The following FNDC3A variants were observed in gnomAD, a reference collection of about 807,000 sequenced individuals.
FNDC3A encodes fibronectin type III domain containing 3A.
Under a neutral mutation model 148.9 loss-of-function variants are expected in FNDC3A, and 32 were observed. The observed-to-expected ratio is 0.21, with a 90% CI of 0.16 to 0.29. FNDC3A has a LOEUF of 0.29. Among genes scored for constraint, FNDC3A ranks in the 10% least tolerant of loss-of-function variants. The pLI is 1.00. For missense variants in FNDC3A, 1,191 were observed against 1,452.8 expected (o/e 0.82, Z 2.93); for synonymous variants, 472 against 473.6 (o/e 1.00, Z 0.04).
chr13:49,056,812 A>C (rs545584400), intron 2 of FNDC3A, among the ~76,000 whole-genome samples: 2 of 152,244 alleles, frequency 1.3e-5, no homozygotes, highest in East Asian at 3.9e-4. Context: ...TATATTTTAA[A>C]TTCCTTTTTG....
intron 9 of FNDC3A, among the ~76,000 whole-genome samples, chr13:49,167,576 C>G (rs1410500658): frequency 6.6e-6 from 1 of 151,876 alleles, no homozygotes; most frequent in African/African-American, 2.4e-5. Context: ...CATGGTGGTG[C>G]AGGCCTGTGG....
intron 1 of FNDC3A, among the ~76,000 whole-genome samples, chr13:48,980,535 G>T (rs1951676219): frequency 6.6e-6 from 1 of 152,166 alleles, no homozygotes; most frequent in Non-Finnish European, 1.5e-5. Context: ...AGGCACGGAA[G>T]AAAGACCTAG....
intron 6 of FNDC3A, among the ~76,000 whole-genome samples, chr13:49,136,859 AG>A (rs1337784546): frequency 6.6e-6 from 1 of 152,086 alleles, no homozygotes; most frequent in East Asian, 1.9e-4. Context: ...GCGTTTGATA[AG>A]GCTATGCTGC....
chr13:48,984,486 A>G (rs966336991), intron 1 of FNDC3A, among the ~76,000 whole-genome samples: 3 of 152,234 alleles, frequency 2.0e-5, no homozygotes, highest in African/African-American at 7.2e-5. Flanking sequence ...TCAAAGGAAT[A>G]GAATAATAAA....
At chr13:48,990,444 C>T (rs527394171) in intron 1 of FNDC3A, among the ~76,000 whole-genome samples, 1 of 151,688 alleles carries the variant, frequency 6.6e-6, no homozygotes, top group Non-Finnish European at 1.5e-5. Flanking sequence ...AGACAAATGA[C>T]TGTTTAATAT....
intron 7 of FNDC3A, among the ~76,000 whole-genome samples, chr13:49,142,592 T>C (rs1882752973): frequency 6.6e-6 from 1 of 152,208 alleles, no homozygotes. Flanking sequence ...TCTATGCAAC[T>C]CTATAATTCA....
intron 2 of FNDC3A, among the ~76,000 whole-genome samples, chr13:49,037,017 G>T (rs1874541570): frequency 1.3e-5 from 2 of 152,188 alleles, no homozygotes; most frequent in Admixed American, 1.3e-4. Flanking sequence ...ATCAGTATAG[G>T]AAAATATGAA....
intron 3 of FNDC3A, among the ~76,000 whole-genome samples, chr13:49,106,243 A>C (rs952627595): frequency 6.6e-6 from 1 of 152,206 alleles, no homozygotes; most frequent in Non-Finnish European, 1.5e-5. Context: ...TGTATTTTAA[A>C]TTGCAGTATT....
chr13:49,110,470 A>G (rs560218290), intron 3 of FNDC3A: 3 of 1,085,976 alleles, frequency 2.8e-6, no homozygotes, highest in Non-Finnish European at 4.3e-6. Flanking sequence ...GTATTAATCT[A>G]AAGTCATGCC....
chr13:49,152,523 A>G (rs1219428716), intron 8 of FNDC3A, among the ~76,000 whole-genome samples: 1 of 142,516 alleles, frequency 7.0e-6, no homozygotes, highest in Admixed American at 7.0e-5. Flanking sequence ...GTTTTTTTTT[A>G]ATTATACTTT....
At chr13:49,188,676 G>T in intron 17 of FNDC3A, 43 bp downstream of exon 17, 1 of 1,272,678 alleles carries the variant, frequency 7.9e-7, no homozygotes. Context: ...TATTAAGTTT[G>T]GCCAAATGGG....
chr13:49,057,741 T>C (rs997256390), intron 2 of FNDC3A, among the ~76,000 whole-genome samples: 1 of 152,136 alleles, frequency 6.6e-6, no homozygotes, highest in African/African-American at 2.4e-5. Context: ...TAAGCATATA[T>C]GGTATCTTGG....
chr13:49,011,302 C>T (rs1246953842), intron 2 of FNDC3A, among the ~76,000 whole-genome samples: 1 of 151,794 alleles, frequency 6.6e-6, no homozygotes, highest in Non-Finnish European at 1.5e-5. Flanking sequence ...GGCGTGATCT[C>T]GGCTCACTGC....
At chr13:49,140,840 G>A (rs1882647940) in intron 7 of FNDC3A, among the ~76,000 whole-genome samples, 1 of 152,206 alleles carries the variant, frequency 6.6e-6, no homozygotes, top group Non-Finnish European at 1.5e-5. Context: ...GTCAGAGTGT[G>A]TAATAGGAGG....
intron 1 of FNDC3A, among the ~76,000 whole-genome samples, chr13:48,993,514 A>C (rs1044133337): frequency 6.6e-6 from 1 of 152,224 alleles, no homozygotes; most frequent in Non-Finnish European, 1.5e-5. Flanking sequence ...TAGCACACTT[A>C]AGATTTGTAC....
At chr13:49,025,839 C>A (rs1239016049) in intron 2 of FNDC3A, among the ~76,000 whole-genome samples, 6 of 152,118 alleles carry the variant, frequency 3.9e-5, no homozygotes, top group Admixed American at 3.9e-4. Flanking sequence ...ATACTGCTGG[C>A]ACAGTCAATT....
At chr13:49,040,721 T>C (rs1166913574) in intron 2 of FNDC3A, among the ~76,000 whole-genome samples, 1 of 152,224 alleles carries the variant, frequency 6.6e-6, no homozygotes, top group East Asian at 1.9e-4. Flanking sequence ...CACTTTATGA[T>C]AGTATATTTG....
intron 2 of FNDC3A, among the ~76,000 whole-genome samples, chr13:49,008,084 A>C (rs904634485): frequency 6.6e-6 from 1 of 152,230 alleles, no homozygotes; most frequent in Non-Finnish European, 1.5e-5. Context: ...GAAGGAACTC[A>C]GTAAATGTTT....
intron 2 of FNDC3A, among the ~76,000 whole-genome samples, chr13:49,019,840 CTG>C (rs1227140172): frequency 6.6e-6 from 1 of 152,182 alleles, no homozygotes; most frequent in Admixed American, 6.5e-5. Context: ...CTGAACTAAA[CTG>C]TGGAGTTTAC....
Sources: allele counts gnomAD v4.1 joint callset (sites outside exome capture counted in the v4.1 genomes callset), GRCh38; gene constraint gnomAD v4.1.1; transcripts MANE v1.5; gene names NCBI Gene and HGNC (gene_info 2026-07-23, HGNC 2026-07-21).